Variants in XKR9 observed in about 807,000 individuals in gnomAD.
XKR9 encodes XK related 9.
In XKR9, 32 loss-of-function variants were observed where a neutral mutation model predicts 32.0. The ratio of observed to expected loss-of-function variants is 1.00; its 90% CI spans 0.76 to 1.34. The LOEUF (loss-of-function observed/expected upper bound fraction) is 1.34, where lower values mean the gene tolerates loss of function less well. XKR9 is among the 40% of genes most tolerant of loss of function. XKR9 has a pLI of 0.00. For synonymous variants in XKR9, 168 were observed against 143.4 expected (o/e 1.17, Z -1.22); for missense variants, 546 against 429.7 (o/e 1.27, Z -2.39).
At chr8:70,974,326 T>A in the XKR9 span, among the ~76,000 whole-genome samples, 1 of 152,004 alleles carries the variant, frequency 6.6e-6, no homozygotes. Context: ...ATGTGCTGTG[T>A]TGGTTTGCTG....
chr8:70,770,060 T>C (rs1274211057), intron 2 of XKR9, among the ~76,000 whole-genome samples: 3 of 152,180 alleles, frequency 2.0e-5, no homozygotes, highest in Admixed American at 6.5e-5. Flanking sequence ...TGCTGTTTTT[T>C]CCTCCTCATC....
the XKR9 span, among the ~76,000 whole-genome samples, chr8:70,854,406 T>C: frequency 1.3e-5 from 2 of 152,226 alleles, no homozygotes; most frequent in Admixed American, 1.3e-4. Context: ...GAGTTCATTG[T>C]AGATTCTGGA....
chr8:70,771,047 C>T (rs1264031197), intron 2 of XKR9, among the ~76,000 whole-genome samples: 3 of 152,158 alleles, frequency 2.0e-5, no homozygotes, highest in Admixed American at 1.3e-4. Flanking sequence ...GTGGTGTAGG[C>T]ACCTGAGGGA....
chr8:71,041,416 A>G, the XKR9 span, among the ~76,000 whole-genome samples: 2 of 152,218 alleles, frequency 1.3e-5, no homozygotes, highest in Admixed American at 1.3e-4. Flanking sequence ...TTGGTTTAAA[A>G]TATATGATAA....
the XKR9 span, among the ~76,000 whole-genome samples, chr8:70,887,682 A>G: frequency 6.6e-6 from 1 of 152,076 alleles, no homozygotes; most frequent in Admixed American, 6.5e-5. Context: ...TTTTCTTTAT[A>G]GCAGTCATGA....
the XKR9 span, among the ~76,000 whole-genome samples, chr8:70,804,771 T>C: frequency 6.6e-6 from 1 of 152,232 alleles, no homozygotes; most frequent in African/African-American, 2.4e-5. Context: ...ATAATATGAA[T>C]GAATATAAAT....
the XKR9 span, among the ~76,000 whole-genome samples, chr8:70,797,781 A>G: frequency 6.6e-6 from 1 of 152,064 alleles, no homozygotes; most frequent in Non-Finnish European, 1.5e-5. Context: ...TTTAGCTCTC[A>G]CTTATAAGTG....
the XKR9 span, among the ~76,000 whole-genome samples, chr8:70,901,852 G>T: frequency 6.6e-6 from 1 of 152,132 alleles, no homozygotes; most frequent in African/African-American, 2.4e-5. Context: ...TGAAGGAAGG[G>T]ATCCAGTTTC....
the XKR9 span, among the ~76,000 whole-genome samples, chr8:70,959,359 C>A: frequency 6.6e-6 from 1 of 152,136 alleles, no homozygotes; most frequent in African/African-American, 2.4e-5. Context: ...ACTTTCATAT[C>A]TGGGAGCTTG....
intron 1 of XKR9, 126 bp downstream of exon 1, chr8:70,669,664 A>ATT (rs11335556): frequency 0.32 from 26,813 of 84,412 alleles, 5,851 homozygotes; most frequent in East Asian, 0.64. Context: ...TAGCCTGTTC[A>ATT]TTTTTTTTTT....
intron 3 of XKR9, among the ~76,000 whole-genome samples, chr8:70,700,030 C>T (rs566187141): frequency 6.6e-6 from 1 of 152,216 alleles, no homozygotes; most frequent in Non-Finnish European, 1.5e-5. Flanking sequence ...GCTTTCAGCT[C>T]CATCAGCTCC....
chr8:71,027,857 C>A, the XKR9 span, among the ~76,000 whole-genome samples: 1 of 151,816 alleles, frequency 6.6e-6, no homozygotes, highest in South Asian at 2.1e-4. Context: ...CAGCCACAAC[C>A]TTCCCCTGGG....
At chr8:70,896,785 G>A in the XKR9 span, among the ~76,000 whole-genome samples, 2 of 151,842 alleles carry the variant, frequency 1.3e-5, no homozygotes, top group East Asian at 3.9e-4. Flanking sequence ...TGGGATGTAT[G>A]AGATATTTTG....
In XKR9 at chr8:70,734,153, A is replaced by G. The variant is rs1478823059; in HGVS notation, c.851A>G (p.Lys284Arg). ...TFFNIKGQNTKCPMSCYYIVR... is the reference protein window; with the variant it reads ...TFFNIKGQNTRCPMSCYYIVR... ...TTTAATATTAAGGGACAGAATACCA[A>G]GTGTCCAATGTCTTGTTATTATATT... The change falls in exon 5 of 5, where the codon AAG (lysine) becomes AGG (arginine). Residue 284 changes from lysine to arginine, a missense_variant. Transcript: ENST00000408926. The G allele has an allele frequency of 3.7e-6, 6 of 1,612,776 alleles. No individual in the cohort carries two copies. The African/African-American group carries it at 5.3e-5, about 14-fold the overall frequency.
chr8:70,763,100 GA>G (rs2130212979), intron 2 of XKR9, among the ~76,000 whole-genome samples: 1 of 152,210 alleles, frequency 6.6e-6, no homozygotes, highest in East Asian at 1.9e-4. Flanking sequence ...AAACAAAAAG[GA>G]ATCTCAGGCT....
chr8:70,955,932 T>A, the XKR9 span, among the ~76,000 whole-genome samples: 2 of 152,200 alleles, frequency 1.3e-5, no homozygotes, highest in East Asian at 1.9e-4. Flanking sequence ...TGGGTACTCC[T>A]GTCTGGATGA....
At chr8:70,955,818 A>T in the XKR9 span, among the ~76,000 whole-genome samples, 2 of 152,348 alleles carry the variant, frequency 1.3e-5, no homozygotes, top group East Asian at 3.9e-4. Flanking sequence ...ACAGACAGCC[A>T]TGCTGGCTGC....
At chr8:70,761,859 G>C (rs906208998) in intron 2 of XKR9, among the ~76,000 whole-genome samples, 8 of 151,726 alleles carry the variant, frequency 5.3e-5, no homozygotes, top group Admixed American at 1.3e-4. Flanking sequence ...TCCATCTTGA[G>C]TTGGTTTTTG....
chr8:70,909,054 T>C, the XKR9 span, among the ~76,000 whole-genome samples: 2 of 152,266 alleles, frequency 1.3e-5, no homozygotes, highest in East Asian at 3.9e-4. Context: ...CCATTTTAGG[T>C]TTTTTTATTA....
Sources: allele counts gnomAD v4.1 joint callset (sites outside exome capture counted in the v4.1 genomes callset), GRCh38; gene constraint gnomAD v4.1.1; transcripts MANE v1.5; gene names NCBI Gene and HGNC (gene_info 2026-07-23, HGNC 2026-07-21).